TBRG4: variants seen among roughly 807,000 people sequenced by gnomAD.
The protein encoded by TBRG4 is FAST kinase domain-containing protein 4.
In TBRG4, 43 loss-of-function variants were observed where a neutral mutation model predicts 65.6. The ratio of observed to expected loss-of-function variants is 0.66; its 90% CI spans 0.51 to 0.85. The LOEUF (loss-of-function observed/expected upper bound fraction) is 0.85, where lower values mean the gene tolerates loss of function less well. TBRG4 is among the 40% of genes least tolerant of loss of function. The probability of loss-of-function intolerance (pLI) is 0.00; values close to 1 mark genes in which losing one functional copy is unlikely to be tolerated. For missense variants in TBRG4, 709 were observed against 787.9 expected (o/e 0.90, Z 1.20); for synonymous variants, 366 against 341.4 (o/e 1.07, Z -0.79).
At chr7:45,111,418 G>GCCCACTAAAACCTACTAGCC (rs1785120170) in intron 1 of TBRG4, 3 of 316,260 alleles carry the variant, frequency 9.5e-6, no homozygotes, top group Non-Finnish European at 1.8e-5. Context: ...GTCATGGACG[G>GCCCACTAAAACCTACTAGCC]TCAACAGGGG....
At chr7:45,104,397 G>A (rs1235568522) in intron 4 of TBRG4, 141 bp from the exon 5 acceptor site, 1 of 1,564,480 alleles carries the variant, frequency 6.4e-7, no homozygotes, top group South Asian at 1.1e-5. Flanking sequence ...CAGGAACAGG[G>A]CCCATGAGTC....
intron 6 of TBRG4, chr7:45,102,930 C>T (rs1470506014): frequency 6.3e-6 from 2 of 315,590 alleles, no homozygotes; most frequent in Admixed American, 8.9e-5. Flanking sequence ...GCCAGACAAA[C>T]CCCTGATGGA....
rs746208356 is a variant in TBRG4 at position 45,109,175 on chromosome 7, A to T, written c.63T>A (p.Pro21=). ...TCAGTCGGCCAACTGGAGCCATGGCAGGGGCCTGACGAGCAGCTTCTCTCA... is the reference window on the plus strand; with the variant it reads ...TCAGTCGGCCAACTGGAGCCATGGCTGGGGCCTGACGAGCAGCTTCTCTCA... ...CLLREAARQA[P]AMAPVGRLRL... Residue 21 remains proline, a synonymous_variant, in exon 2 of 11, where the codon CCT becomes CCA. Coordinates refer to ENST00000258770, the MANE Select transcript of TBRG4 (RefSeq NM_004749.4). The T allele has an allele frequency of 6.2e-7, 1 of 1,613,878 alleles. No homozygotes were observed. The highest frequency in any genetic ancestry group is 2.2e-5 in the East Asian group (1 of 44,890).
chr7:45,111,658 G>A lies in TBRG4; in HGVS notation c.-66C>T, dbSNP rs1013396252. On this transcript the variant is annotated 5_prime_UTR_variant, in exon 1 of 11. Transcript: ENST00000258770. ...CAAGACCTACGCAGCGAGCACCACC[G>A]CTGACCTCCATCCGCCGCCCTAACT... The A allele has an allele frequency of 2.0e-4, 262 of 1,289,274 alleles. No individual in the cohort carries two copies. Among genetic ancestry groups the A allele is most frequent in the Non-Finnish European group, 2.4e-4 (242 of 988,848 alleles). 79.9% of individuals were successfully genotyped at this position (1,289,274 alleles called of 1,614,324 possible).
In TBRG4 at chr7:45,109,009, T is replaced by C. The variant is rs771355136; in HGVS notation, c.229A>G (p.Lys77Glu). 9 of 1,611,668 alleles carry C rather than the reference T, an allele frequency of 5.6e-6. No individual in the cohort carries two copies. In the East Asian group the frequency reaches 2.0e-4, roughly 36 times the overall value. Reference protein sequence around the residue: ...YIEKQVDHLIKKATRPEELLE... With the variant: ...YIEKQVDHLIEKATRPEELLE... ...AGCTCCTCTGGCCTTGTGGCCTTCT[T>C]GATGAGGTGGTCCACCTGCTTCTCT... The change falls in exon 2 of 11, where the codon AAG (lysine) becomes GAG (glutamate). Residue 77 changes from lysine (K) to glutamate (E), a missense_variant. By Grantham distance (56) the Lys-to-Glu change is moderately conservative. Transcript: ENST00000258770.
chr7:45,103,994 A>T, intron 5 of TBRG4, 105 bp downstream of exon 5: 2 of 1,400,866 alleles, frequency 1.4e-6, no homozygotes, highest in Non-Finnish European at 1.9e-6. Context: ...TTGCCCCCAC[A>T]AGTGAGCATT....
intron 2 of TBRG4, chr7:45,106,448 G>A (rs932597111): frequency 6.3e-6 from 1 of 159,730 alleles, no homozygotes; most frequent in African/African-American, 2.4e-5. Context: ...CCTGATGGCA[G>A]AGAAGGTGGC....
chr7:45,105,128 G>A (rs1159150850), intron 3 of TBRG4: 3 of 651,022 alleles, frequency 4.6e-6, no homozygotes, highest in East Asian at 2.9e-5. Flanking sequence ...TACTTCAGGA[G>A]CTGCCTGCCA....
chr7:45,100,253 G>C lies in TBRG4; in HGVS notation c.*72C>G. The C allele has an allele frequency of 7.5e-7, 1 of 1,329,460 alleles. No individual in the cohort carries two copies. The highest frequency in any genetic ancestry group is 2.4e-5 in the East Asian group (1 of 41,918). The allele number at this position is 1,329,460 out of a possible 1,614,324, so 82.4% of individuals were successfully genotyped here. The stretch of plus-strand genomic sequence containing the variant: ...GTCCTGCACAGAGGTTTGTCCTCAA[G>C]GGTGACCCTTCTTGGCCGCCCACAG... On this transcript the variant is annotated 3_prime_UTR_variant, in exon 11 of 11. Transcript: ENST00000258770.
rs201116359 is a variant in TBRG4 at position 45,105,458 on chromosome 7, T to C, written c.718A>G (p.Asn240Asp). 13 of 1,606,008 alleles carry C rather than the reference T, an allele frequency of 8.1e-6. No homozygotes were observed. The highest frequency in any genetic ancestry group is 1.1e-5 in the Non-Finnish European group (13 of 1,174,822). ...KVGHLSEPLMNRLEDKCLELV... is the reference protein window; with the variant it reads ...KVGHLSEPLMDRLEDKCLELV... Reference sequence around the variant, plus strand: ...CCCAGTACCTTGTCTTCCAGGCGGTTCATTAGTGGCTCCGAGAGGTGTCCC... The same window carrying C: ...CCCAGTACCTTGTCTTCCAGGCGGTCCATTAGTGGCTCCGAGAGGTGTCCC... The change falls in exon 3 of 11, where the codon AAC becomes GAC. Residue 240 changes from asparagine to aspartate, a missense_variant. Asn to Asp is a conservative substitution (Grantham distance 23, BLOSUM62 1). Transcript: ENST00000258770.
In TBRG4 at chr7:45,102,018, G is replaced by A. The variant is rs199501664; in HGVS notation, c.1374C>T (p.Asn458=). The A allele has an allele frequency of 1.9e-5, 30 of 1,566,304 alleles. No homozygotes were observed. The East Asian group carries it at 3.1e-4, about 16-fold the overall frequency. The change falls in exon 8 of 11, where the codon AAC becomes AAT. Residue 458 remains asparagine (N), a synonymous_variant. Coordinates refer to ENST00000258770, the MANE Select transcript of TBRG4 (RefSeq NM_004749.4). The part of the protein sequence containing the change: ...QNTFQKLLHI[N]ATALLEYPEY... ...CGGGGTACTCCAGCAGGGCAGTGGC[G>A]TTGATGTGGAGCAGCTTCTGGAAGG... is the stretch of plus-strand genomic sequence containing the variant.
At chr7:45,105,837 C>A in intron 2 of TBRG4, 73 bp from the exon 3 acceptor site, 1 of 1,500,926 alleles carries the variant, frequency 6.7e-7, no homozygotes. Context: ...GGCTACCTCT[C>A]TGAACCTTGT....
Position 45,108,680 on chromosome 7 carries a change from GC to G in TBRG4, c.411+146del, listed in dbSNP as rs1427023061. 6 of 619,090 alleles carry G rather than the reference GC, an allele frequency of 9.7e-6. No individual in the cohort carries two copies. The South Asian group carries it at 2.1e-4, about 22-fold the overall frequency. The allele number at this position is 619,090 out of a possible 1,614,324, so 38.3% of individuals were successfully genotyped here. On this transcript the variant is annotated intron_variant, in intron 2 of 10. Coordinates refer to ENST00000258770, the MANE Select transcript of TBRG4 (RefSeq NM_004749.4). ...ATAAACAAAGAGAAAGCACGATAAA[GC>G]ACTTTGAAATTTATAAAAAAATAAA...
rs182333366 is a variant in TBRG4 at position 45,101,310 on chromosome 7, C to T, written c.1742G>A (p.Arg581His). 107 of 1,613,992 alleles carry T rather than the reference C, an allele frequency of 6.6e-5. No homozygotes were observed. The highest frequency in any genetic ancestry group is 3.3e-4 in the Middle Eastern group (2 of 6,062). Residue 581 changes from arginine to histidine, a missense_variant, in exon 10 of 11, where the codon CGC becomes CAC. Arg to His is a conservative substitution (Grantham distance 29). Coordinates refer to ENST00000258770, the MANE Select transcript of TBRG4 (RefSeq NM_004749.4). ...FNSRSKDLLG[R>H]FVLARRHIVA... is the part of the protein sequence containing the mutation. ...TATGTGTCGCCGGGCCAGAACAAAG[C>T]GACCCAGCAAGTCCTTGCTTCGGCT...
chr7:45,102,492 C>T lies in TBRG4; in HGVS notation c.1177-1G>A. 6.2e-7 allele frequency: 1 copy of T among 1,608,800 alleles called. No homozygotes were observed. The highest frequency in any genetic ancestry group is 8.5e-7 in the Non-Finnish European group (1 of 1,179,764). ...GCTCTGACCCCAGCTTCTCATGTAC[C>T]TGGGCAAGGATAGAGTGTGGTGGAG... On this transcript the variant is annotated splice_acceptor_variant, in intron 6 of 10. Transcript: ENST00000258770. LOFTEE classifies it high-confidence loss of function.
chr7:45,110,515 A>C (rs1440091171), intron 1 of TBRG4, among the ~76,000 whole-genome samples: 1 of 151,964 alleles, frequency 6.6e-6, no homozygotes, highest in African/African-American at 2.4e-5. Flanking sequence ...AAATACAAAA[A>C]AATTAGCCGG....
Position 45,104,873 on chromosome 7 carries a change from C to T in TBRG4, c.736-164G>A, listed in dbSNP as rs539447895. 2.5e-5 allele frequency: 28 copies of T among 1,133,490 alleles called. No homozygotes were observed. The Admixed American group carries it at 3.1e-4, about 12-fold the overall frequency. The allele number at this position is 1,133,490 out of a possible 1,614,324, so 70.2% of individuals were successfully genotyped here. A position where few individuals can be genotyped will look rare whatever the true frequency, so the allele number is the denominator to read the frequency against. ...AGGACCACTGTGCAGGGCCTGCCTC[C>T]TCATCCACCCCAGGGAACCCCTGGA... is the stretch of plus-strand genomic sequence containing the variant. On this transcript the variant is annotated intron_variant, in intron 3 of 10. Transcript: ENST00000258770.
intron 10 of TBRG4, 79 bp from the exon 11 acceptor site, chr7:45,100,505 TC>T: frequency 8.7e-7 from 1 of 1,155,406 alleles, no homozygotes; most frequent in East Asian, 2.4e-5. Flanking sequence ...TTGCCTGCTG[TC>T]CTCACATTGA....
chr7:45,104,668 C>T lies in TBRG4; in HGVS notation c.777G>A (p.Arg259=), dbSNP rs748808163. ...LVEHFGPNEL[R]KVLVMLAAQS... is the part of the protein sequence containing the mutation. ...GAGCTGCCAGCATCACCAGCACCTTCCGCAGCTCATTGGGGCCAAAGTGCT... is the reference window on the plus strand; with the variant it reads ...GAGCTGCCAGCATCACCAGCACCTTTCGCAGCTCATTGGGGCCAAAGTGCT... Residue 259 remains arginine (R), a synonymous_variant, in exon 4 of 11, where the codon CGG becomes CGA. Coordinates refer to ENST00000258770, the MANE Select transcript of TBRG4 (RefSeq NM_004749.4). 68 of 1,613,846 alleles carry T rather than the reference C, an allele frequency of 4.2e-5. 1 individual carries two copies. The South Asian group carries it at 7.4e-4, about 17-fold the overall frequency.
Sources: gnomAD v4.1 joint callset for allele counts (sites outside exome capture counted in the v4.1 genomes callset) on GRCh38, gnomAD v4.1.1 for gene constraint, MANE v1.5 for transcripts, NCBI Gene and HGNC (gene_info 2026-07-23, HGNC 2026-07-21) for gene names.